The following DCAF8L2 variants were observed in gnomAD, a reference collection of about 807,000 sequenced individuals.
The protein encoded by DCAF8L2 is DDB1 and CUL4 associated factor 8 like 2.
For synonymous variants in DCAF8L2, 200 were observed against 190.9 expected, an observed-to-expected ratio of 1.05 and a Z score of -0.39; for missense variants, 430 against 490.7, an observed-to-expected ratio of 0.88 and a Z score of 1.17.
upstream of DCAF8L2, among the ~76,000 whole-genome samples, chrX:27,586,264 G>GTAGATCTGTT (rs1204666823): frequency 9.0e-6 from 1 of 110,781 alleles, no homozygotes; most frequent in East Asian, 2.8e-4. Flanking sequence ...GATCTGTTAG[G>GTAGATCTGTT]TAGTATCTAC....
chrX:27,482,558 A>G, the DCAF8L2 span, among the ~76,000 whole-genome samples: 1 of 111,724 alleles, frequency 9.0e-6, no homozygotes, highest in East Asian at 2.8e-4. Flanking sequence ...GAATCAAGTC[A>G]CTAGAGATAT....
chrX:27,555,700 C>T, the DCAF8L2 span, among the ~76,000 whole-genome samples: 1 of 111,805 alleles, frequency 8.9e-6, no homozygotes, highest in Non-Finnish European at 1.9e-5. Flanking sequence ...CACTAGAGGT[C>T]GCTGTAGTGA....
intron 4 of DCAF8L2, among the ~76,000 whole-genome samples, chrX:27,744,270 G>A (rs1207606203): frequency 9.0e-6 from 1 of 111,355 alleles, no homozygotes; most frequent in Non-Finnish European, 1.9e-5. Flanking sequence ...CTGTCATAGA[G>A]GGGAAAATAA....
At chrX:27,512,779 CAAAAAAAAAAAAAAAAAA>C in the DCAF8L2 span, among the ~76,000 whole-genome samples, 13 of 18,552 alleles carry the variant, frequency 7.0e-4, no homozygotes, top group Admixed American at 3.8e-3. Context: ...CAATCTTGAG[CAAAAAAAAAAAAAAAAAA>C]AAAAAAAAAA....
At chrX:27,546,909 C>T in the DCAF8L2 span, among the ~76,000 whole-genome samples, 1 of 112,306 alleles carries the variant, frequency 8.9e-6, no homozygotes, top group Non-Finnish European at 1.9e-5. Context: ...GAGACATTTT[C>T]CCCATTGTCT....
chrX:27,519,877 T>C, the DCAF8L2 span: 2 of 290,594 alleles, frequency 6.9e-6, no homozygotes, highest in Non-Finnish European at 6.0e-6. Flanking sequence ...TTTTTTCTTA[T>C]GATATTTTAA....
chrX:27,609,101 T>C (rs1359327783), intron 1 of DCAF8L2, among the ~76,000 whole-genome samples: 1 of 111,840 alleles, frequency 8.9e-6, no homozygotes, highest in East Asian at 2.8e-4. Flanking sequence ...TCACGAACTA[T>C]GGGCAAAGCC....
intron 3 of DCAF8L2, among the ~76,000 whole-genome samples, chrX:27,709,340 C>CT (rs750734258): frequency 1.8e-5 from 2 of 112,693 alleles, no homozygotes; most frequent in Non-Finnish European, 3.8e-5. Flanking sequence ...TGTTGTAACA[C>CT]TTTTTTTATA....
At chrX:27,633,394 T>C (rs766809473) in intron 2 of DCAF8L2, 1 of 112,251 alleles carries the variant, frequency 8.9e-6, no homozygotes, top group East Asian at 2.8e-4. Flanking sequence ...AAGAAGAATG[T>C]ATATTCAAAG....
chrX:27,502,336 A>AAAAAAT, the DCAF8L2 span, among the ~76,000 whole-genome samples: 1 of 10,905 alleles, frequency 9.2e-5, no homozygotes, highest in Non-Finnish European at 1.7e-4. Context: ...AAAAAAAAAA[A>AAAAAAT]TATATATATA....
chrX:27,501,639 A>C, the DCAF8L2 span, among the ~76,000 whole-genome samples: 1 of 111,063 alleles, frequency 9.0e-6, no homozygotes, highest in Non-Finnish European at 1.9e-5. Flanking sequence ...CAAGAGATCA[A>C]ACCTGGAGAA....
chrX:27,485,818 A>G, the DCAF8L2 span, among the ~76,000 whole-genome samples: 101 of 110,497 alleles, frequency 9.1e-4, 1 homozygote, highest in African/African-American at 3.2e-3. Flanking sequence ...GCAATTAGGA[A>G]ATATTACAAG....
chrX:27,542,793 C>T, the DCAF8L2 span, among the ~76,000 whole-genome samples: 7 of 110,044 alleles, frequency 6.4e-5, no homozygotes, highest in Admixed American at 3.9e-4. Context: ...CCGCCCGCCT[C>T]GGCCTCCCAA....
the DCAF8L2 span, among the ~76,000 whole-genome samples, chrX:27,514,683 A>AAC: frequency 9.3e-4 from 28 of 30,193 alleles, no homozygotes; most frequent in East Asian, 7.2e-3. Context: ...AAAAAAAAAA[A>AAC]AAAAAAAAAA....
the DCAF8L2 span, among the ~76,000 whole-genome samples, chrX:27,583,960 C>A: frequency 9.0e-6 from 1 of 111,636 alleles, no homozygotes; most frequent in Admixed American, 9.6e-5. Context: ...AAGTATGGAT[C>A]TGTAAAGACC....
the DCAF8L2 span, among the ~76,000 whole-genome samples, chrX:27,549,744 G>A: frequency 9.9e-5 from 11 of 111,418 alleles, 1 homozygote. Context: ...AATGGCTGCT[G>A]TCATAAACCG....
At chrX:27,573,233 ATC>A in the DCAF8L2 span, among the ~76,000 whole-genome samples, 1 of 83,549 alleles carries the variant, frequency 1.2e-5, no homozygotes, top group Non-Finnish European at 2.3e-5. Flanking sequence ...TATTTAAGAA[ATC>A]TCTCTCTCTC....
chrX:27,479,385 C>A, the DCAF8L2 span, among the ~76,000 whole-genome samples: 2 of 111,039 alleles, frequency 1.8e-5, no homozygotes, highest in Non-Finnish European at 3.8e-5. Flanking sequence ...AAGCTGCACC[C>A]GGATTCCTGA....
chrX:27,589,578 C>T (rs909292936), upstream of DCAF8L2, among the ~76,000 whole-genome samples: 34 of 111,334 alleles, frequency 3.1e-4, no homozygotes, highest in African/African-American at 1.1e-3. Flanking sequence ...ATCAATTTAC[C>T]AAACAGAAAG....
Sources: allele counts gnomAD v4.1 joint callset (sites outside exome capture counted in the v4.1 genomes callset), GRCh38; gene constraint gnomAD v4.1.1; transcripts MANE v1.5; gene names NCBI Gene and HGNC (gene_info 2026-07-23, HGNC 2026-07-21).